CAMTA1: variants seen among roughly 807,000 people sequenced by gnomAD.
CAMTA1 encodes the protein calmodulin binding transcription activator 1.
CAMTA1 carries 27 observed loss-of-function variants against 170.9 expected under a neutral mutation model. That is an observed-to-expected ratio of 0.16 (90% CI 0.12 to 0.22). CAMTA1 has a LOEUF of 0.22. Among genes scored for constraint, CAMTA1 ranks in the 10% least tolerant of loss-of-function variants. CAMTA1 has a pLI of 1.00. For synonymous variants in CAMTA1, 833 were observed against 891.5 expected, an observed-to-expected ratio of 0.93 and a Z score of 1.17; for missense variants, 1,619 against 2,217.2, an observed-to-expected ratio of 0.73 and a Z score of 5.42.
At chr1:7,343,397 G>C (rs74052949) in intron 5 of CAMTA1, among the ~76,000 whole-genome samples, 1 of 152,158 alleles carries the variant, frequency 6.6e-6, no homozygotes, top group Non-Finnish European at 1.5e-5. Context: ...GGCCACCTCC[G>C]AGGCCATATT....
intron 11 of CAMTA1, among the ~76,000 whole-genome samples, chr1:7,724,881 A>G (rs1423517709): frequency 6.6e-6 from 1 of 151,842 alleles, no homozygotes; most frequent in African/African-American, 2.4e-5. Context: ...ACAAGAAGGG[A>G]TATGTATATA....
In CAMTA1 at chr1:7,580,560, G is replaced by A. The variant is rs1176344338; in HGVS notation, c.511-59840G>A. ...GTGGCAGACAGGACACCCGCACATGGAGGAACCACTAACAAGTGCCAAGCC... is the reference window on the plus strand; with the variant it reads ...GTGGCAGACAGGACACCCGCACATGAAGGAACCACTAACAAGTGCCAAGCC... On this transcript the variant is annotated intron_variant, in intron 6 of 22. Coordinates refer to ENST00000303635, the MANE Select transcript of CAMTA1 (RefSeq NM_015215.4). The surrounding 1 kb of genome is among the most constrained non-coding windows in gnomAD (Gnocchi z 4.3). 1.3e-5 allele frequency among the ~76,000 whole-genome samples: 2 copies of A among 152,016 alleles called. No homozygotes were observed. The highest frequency in any genetic ancestry group is 2.9e-5 in the Non-Finnish European group (2 of 68,008).
chr1:7,102,125 T>C (rs1008364135), intron 4 of CAMTA1, among the ~76,000 whole-genome samples: 2 of 152,204 alleles, frequency 1.3e-5, no homozygotes, highest in Non-Finnish European at 2.9e-5. Context: ...AAATTTTTCT[T>C]CGTTATGTGT....
chr1:7,083,015 G>T (rs1032518281), intron 3 of CAMTA1, among the ~76,000 whole-genome samples: 13 of 152,140 alleles, frequency 8.5e-5, no homozygotes. Context: ...ATAATTCATC[G>T]AATGGTTGAA....
At chr1:7,060,572 G>A (rs1708051150) in intron 3 of CAMTA1, among the ~76,000 whole-genome samples, 1 of 152,180 alleles carries the variant, frequency 6.6e-6, no homozygotes, top group Admixed American at 6.5e-5. Flanking sequence ...TCACATAGGC[G>A]GGGTCCCCTT....
intron 5 of CAMTA1, among the ~76,000 whole-genome samples, chr1:7,364,965 T>A (rs2085853281): frequency 6.6e-6 from 1 of 152,248 alleles, no homozygotes; most frequent in Non-Finnish European, 1.5e-5. Flanking sequence ...CATGGGCTTC[T>A]GTAGTGGATG....
At chr1:7,199,558 C>T (rs969300614) in intron 4 of CAMTA1, among the ~76,000 whole-genome samples, 1 of 152,328 alleles carries the variant, frequency 6.6e-6, no homozygotes, top group African/African-American at 2.4e-5. Context: ...CACCAGCCGC[C>T]GCCTGGAAGA....
rs149138597 is a variant in CAMTA1, at chr1:7,069,032, G to A, written c.235-22272G>A. On this transcript the variant is annotated intron_variant, in intron 3 of 22. Transcript: ENST00000303635. The stretch of plus-strand genomic sequence containing the variant: ...CAGGCCTGGCCTCCGCAGAGCTGGC[G>A]AGCAGGAAAGGCAAGTTTCAGACAC... Among the ~76,000 whole-genome samples, 1,322 of 152,296 alleles carry A rather than the reference G, an allele frequency of 8.7e-3. 17 individuals are homozygous for A. Among genetic ancestry groups the A allele is most frequent in the South Asian group, 0.014 (66 of 4,822 alleles).
At chr1:6,890,731 C>T (rs761123550) in intron 3 of CAMTA1, among the ~76,000 whole-genome samples, 2 of 152,068 alleles carry the variant, frequency 1.3e-5, no homozygotes, top group African/African-American at 2.4e-5. Flanking sequence ...CCACCATGCC[C>T]AGCTGATTTC....
In CAMTA1 at chr1:7,137,165, C is replaced by T. The variant is rs761562150; in HGVS notation, c.302+45794C>T. ...GTTTATTGTATTTTTTCTTCTCTTC[C>T]CTCCTTTAATCCATCAGCAAACTTG... On this transcript the variant is annotated intron_variant, in intron 4 of 22. Transcript: ENST00000303635. Among the ~76,000 whole-genome samples the T allele has an allele frequency of 8.5e-5, 13 of 152,112 alleles. 1 individual carries two copies. The highest frequency in any genetic ancestry group is 2.9e-4 in the African/African-American group (12 of 41,408).
intron 4 of CAMTA1, among the ~76,000 whole-genome samples, chr1:7,212,227 T>C (rs953963411): frequency 6.6e-6 from 1 of 152,212 alleles, no homozygotes; most frequent in Non-Finnish European, 1.5e-5. Flanking sequence ...ATAATTAGGC[T>C]CTTTTGTTTT....
At chr1:7,450,330 T>C (rs1477208499) in intron 5 of CAMTA1, among the ~76,000 whole-genome samples, 1 of 152,124 alleles carries the variant, frequency 6.6e-6, no homozygotes, top group Non-Finnish European at 1.5e-5. Flanking sequence ...ATACAACAGC[T>C]CAGTGAGACA....
At chr1:7,552,135 C>T (rs916410353) in intron 6 of CAMTA1, among the ~76,000 whole-genome samples, 1 of 152,214 alleles carries the variant, frequency 6.6e-6, no homozygotes, top group African/African-American at 2.4e-5. Context: ...CCTCCTTTGA[C>T]AGAGCAAGGC....
At chr1:7,501,452 G>C (rs954068203) in intron 6 of CAMTA1, among the ~76,000 whole-genome samples, 1 of 152,150 alleles carries the variant, frequency 6.6e-6, no homozygotes, top group Non-Finnish European at 1.5e-5. Flanking sequence ...CATCTCATTA[G>C]GGATGGCCTT....
At position 7,740,028 on chromosome 1, in the gene CAMTA1, T is replaced by C. The variant is rs574387626; in HGVS notation, c.4182+1546T>C. ...TTTGGGTGGGGACACAGTCAAACCA[T>C]ATCACCTACCGACCACTGCAGTTTC... On this transcript the variant is annotated intron_variant, in intron 16 of 22. Coordinates refer to ENST00000303635, the MANE Select transcript of CAMTA1 (RefSeq NM_015215.4). Among the ~76,000 whole-genome samples the C allele has an allele frequency of 6.8e-4, 104 of 152,020 alleles. 1 individual carries two copies. The highest frequency in any genetic ancestry group is 1.3e-3 in the Non-Finnish European group (87 of 68,022).
chr1:6,931,637 A>G (rs1217996781), intron 3 of CAMTA1, among the ~76,000 whole-genome samples: 1 of 152,184 alleles, frequency 6.6e-6, no homozygotes, highest in Non-Finnish European at 1.5e-5. Context: ...CACTGTACCA[A>G]TGAGGAAGTT....
chr1:7,133,478 G>A (rs559277853), intron 4 of CAMTA1, among the ~76,000 whole-genome samples: 1 of 151,918 alleles, frequency 6.6e-6, no homozygotes, highest in East Asian at 1.9e-4. Flanking sequence ...TCCCTTATCA[G>A]TTTTTCTAGA....
chr1:7,229,209 A>G (rs1662243871), intron 4 of CAMTA1, among the ~76,000 whole-genome samples: 1 of 151,406 alleles, frequency 6.6e-6, no homozygotes, highest in Non-Finnish European at 1.5e-5. Flanking sequence ...CTGTCCTTCC[A>G]TCCTCCCTGG....
intron 3 of CAMTA1, among the ~76,000 whole-genome samples, chr1:6,906,002 G>T (rs1001944669): frequency 1.3e-5 from 2 of 152,218 alleles, no homozygotes; most frequent in Admixed American, 6.5e-5. Flanking sequence ...TGTGGAGCTG[G>T]TGTTGCCTGT....
Sources: allele counts gnomAD v4.1 joint callset (sites outside exome capture counted in the v4.1 genomes callset), GRCh38; gene constraint gnomAD v4.1.1; non-coding constraint Gnocchi (gnomAD v3.1); transcripts MANE v1.5; gene names NCBI Gene and HGNC (gene_info 2026-07-23, HGNC 2026-07-21).